ATP6V1E2: variants seen among roughly 807,000 people sequenced by gnomAD.
The protein encoded by ATP6V1E2 is V-type proton ATPase subunit E 2.
For synonymous variants in ATP6V1E2, 121 were observed against 104.2 expected (o/e 1.16, Z -0.98); for missense variants, 308 against 273.3 (o/e 1.13, Z -0.90).
intron 4 of ATP6V1E2, among the ~76,000 whole-genome samples, chr2:46,515,698 T>C (rs1327240211): frequency 2.6e-5 from 4 of 152,156 alleles, no homozygotes; most frequent in South Asian, 2.1e-4. Context: ...TAAATATAAA[T>C]GGATTAAATG....
intron 2 of ATP6V1E2, among the ~76,000 whole-genome samples, 200 bp from the exon 3 acceptor site, chr2:46,536,903 C>G (rs529310051): frequency 6.6e-6 from 1 of 152,112 alleles, no homozygotes; most frequent in South Asian, 2.1e-4. Flanking sequence ...CTGCCTCAGC[C>G]TCCCGAGTAG....
rs1307190190 is a variant in ATP6V1E2 at position 46,530,098 on chromosome 2, A to C, written c.-102+5715T>G. Among the ~76,000 whole-genome samples the C allele has an allele frequency of 1.3e-5, 2 of 152,088 alleles. No homozygotes were observed. Among genetic ancestry groups the C allele is most frequent in the East Asian group, 3.8e-4 (2 of 5,200 alleles). On this transcript the variant is annotated intron_variant, in intron 4 of 4. Coordinates refer to ENST00000522587, the MANE Select transcript of ATP6V1E2 (RefSeq NM_001318063.2). This position sits in a 1 kb window ranked among gnomAD's most constrained non-coding sequence, Gnocchi z 5.2. ...TGCTGGAAATTCCCACCTTTAACTGAAGGTCTCAGGATCACTCAATTCAGG... is the reference window on the plus strand; with the variant it reads ...TGCTGGAAATTCCCACCTTTAACTGCAGGTCTCAGGATCACTCAATTCAGG...
intron 4 of ATP6V1E2, among the ~76,000 whole-genome samples, chr2:46,522,187 G>C (rs559207163): frequency 6.6e-6 from 1 of 151,526 alleles, no homozygotes; most frequent in Non-Finnish European, 1.5e-5. Flanking sequence ...CTACGTGGGA[G>C]GCTGAAGTGG....
At chr2:46,533,144 A>G (rs548218503) in intron 4 of ATP6V1E2, among the ~76,000 whole-genome samples, 22 of 149,680 alleles carry the variant, frequency 1.5e-4, no homozygotes, top group African/African-American at 5.1e-4. Flanking sequence ...TATACCTAAC[A>G]TATTATATAT....
Position 46,512,512 on chromosome 2 carries a change from T to C in ATP6V1E2, c.200A>G (p.Gln67Arg). 6.2e-7 allele frequency: 1 copy of C among 1,614,220 alleles called. No individual in the cohort carries two copies. Among genetic ancestry groups the C allele is most frequent in the African/African-American group, 1.3e-5 (1 of 75,062 alleles). The stretch of plus-strand genomic sequence containing the variant: ...CATGGTGGACATCAGGATTTTCTTC[T>C]GCTGCTCTATCTGCTTCTCCTTTTT... ...YEKKEKQIEQ[Q>R]KKILMSTMRN... The change falls in exon 5 of 5, where the codon CAG becomes CGG. Residue 67 changes from glutamine to arginine, a missense_variant. Transcript: ENST00000522587.
At chr2:46,526,203 C>A (rs1241687200) in intron 4 of ATP6V1E2, among the ~76,000 whole-genome samples, 1 of 151,664 alleles carries the variant, frequency 6.6e-6, no homozygotes, top group East Asian at 1.9e-4. Context: ...ACAACCCCCG[C>A]CTCCTGGGTT....
chr2:46,515,965 A>G (rs1001649748), intron 4 of ATP6V1E2, among the ~76,000 whole-genome samples: 1 of 152,230 alleles, frequency 6.6e-6, no homozygotes, highest in Non-Finnish European at 1.5e-5. Context: ...GAGTCAATTC[A>G]CCTGGAAGAT....
At chr2:46,529,019 C>G (rs1387662784) in intron 4 of ATP6V1E2, among the ~76,000 whole-genome samples, 1 of 152,160 alleles carries the variant, frequency 6.6e-6, no homozygotes, top group Non-Finnish European at 1.5e-5. Flanking sequence ...CCCCAGGCAG[C>G]CTCCAGAGGG....
chr2:46,521,902 G>A (rs1204024567), intron 4 of ATP6V1E2, among the ~76,000 whole-genome samples: 3 of 151,642 alleles, frequency 2.0e-5, no homozygotes, highest in Non-Finnish European at 4.4e-5. Context: ...GTGTTAGCCA[G>A]GATGGTCTCG....
intron 4 of ATP6V1E2, chr2:46,527,920 T>G (rs1028887779): frequency 3.3e-5 from 5 of 152,230 alleles, no homozygotes; most frequent in Non-Finnish European, 5.9e-5. Flanking sequence ...TCTTTATCCC[T>G]CTGTGGTCCT....
chr2:46,529,530 G>A (rs779396847), intron 4 of ATP6V1E2, among the ~76,000 whole-genome samples: 1 of 152,220 alleles, frequency 6.6e-6, no homozygotes, highest in Non-Finnish European at 1.5e-5. Flanking sequence ...CAAGGCAGGA[G>A]GATTGCTTGA....
chr2:46,522,072 T>C (rs113240631), intron 4 of ATP6V1E2, among the ~76,000 whole-genome samples: 5 of 152,142 alleles, frequency 3.3e-5, no homozygotes, highest in African/African-American at 4.8e-5. Flanking sequence ...AGGTAGAGGA[T>C]TGCTTGAGCC....
rs148131406 is a variant in ATP6V1E2, at chr2:46,537,971, TAAAA to T, written c.-309-1272_-309-1269del. ...GTGGGAAGATAACAACAGAGGACAT[TAAAA>T]AGAAAAAAAAAAGTAGATGAAATCA... is the stretch of plus-strand genomic sequence containing the variant. On this transcript the variant is annotated intron_variant, in intron 2 of 4. Transcript: ENST00000522587. Among the ~76,000 whole-genome samples, 591 of 151,324 alleles carry T rather than the reference TAAAA, an allele frequency of 3.9e-3. 3 individuals are homozygous for T. Among genetic ancestry groups the T allele is most frequent in the African/African-American group, 0.014 (563 of 41,214 alleles).
intron 4 of ATP6V1E2, among the ~76,000 whole-genome samples, chr2:46,520,600 C>T (rs761878665): frequency 6.6e-6 from 1 of 152,244 alleles, no homozygotes; most frequent in African/African-American, 2.4e-5. Flanking sequence ...TTAATAAATC[C>T]TGCCCATATA....
chr2:46,533,585 T>A (rs1667297615), intron 4 of ATP6V1E2, among the ~76,000 whole-genome samples: 1 of 152,234 alleles, frequency 6.6e-6, no homozygotes. Flanking sequence ...AGGTCAATTA[T>A]GTTTTAAAGG....
intron 2 of ATP6V1E2, among the ~76,000 whole-genome samples, chr2:46,540,257 C>CA (rs1052717393): frequency 6.6e-5 from 10 of 151,392 alleles, no homozygotes; most frequent in African/African-American, 1.9e-4. Flanking sequence ...CCCCGCTCTG[C>CA]AAAAAAATAC....
intron 4 of ATP6V1E2, among the ~76,000 whole-genome samples, chr2:46,531,774 G>A (rs1188624905): frequency 6.6e-6 from 1 of 152,114 alleles, no homozygotes; most frequent in African/African-American, 2.4e-5. Flanking sequence ...TTTACCTAAT[G>A]ACTAACTACT....
chr2:46,527,875 T>C (rs2103895393), intron 4 of ATP6V1E2: 1 of 152,324 alleles, frequency 6.6e-6, no homozygotes, highest in South Asian at 2.1e-4. Context: ...AAAATCAGGT[T>C]GTTTGTTTTT....
At chr2:46,525,484 A>AAAAAAAAAAAG (rs1420336137) in intron 4 of ATP6V1E2, among the ~76,000 whole-genome samples, 1 of 148,836 alleles carries the variant, frequency 6.7e-6, no homozygotes, top group African/African-American at 2.5e-5. Flanking sequence ...AAAGAAAAAA[A>AAAAAAAAAAAG]AAAAAGAAAG....
Sources: gnomAD v4.1 joint callset for allele counts (sites outside exome capture counted in the v4.1 genomes callset) on GRCh38, gnomAD v4.1.1 for gene constraint, Gnocchi (gnomAD v3.1) non-coding constraint, MANE v1.5 for transcripts, NCBI Gene and HGNC (gene_info 2026-07-23, HGNC 2026-07-21) for gene names.